KIFC3: variants seen among roughly 807,000 people sequenced by gnomAD.
KIFC3 encodes kinesin-like protein KIFC3.
In KIFC3, 60 loss-of-function variants were observed where a neutral mutation model predicts 101.8. The ratio of observed to expected loss-of-function variants is 0.59; its 90% CI spans 0.48 to 0.73. The LOEUF is 0.73. KIFC3 is among the 30% of genes least tolerant of loss of function. The probability of loss-of-function intolerance (pLI) is 0.00; values close to 1 mark genes in which losing one functional copy is unlikely to be tolerated. For synonymous variants in KIFC3, 476 were observed against 482.7 expected, an observed-to-expected ratio of 0.99 and a Z score of 0.18; for missense variants, 966 against 1,137.1, an observed-to-expected ratio of 0.85 and a Z score of 2.16.
At chr16:57,805,326 G>A (rs985459099), upstream of KIFC3, among the ~76,000 whole-genome samples, 4 of 152,122 alleles carry the variant, frequency 2.6e-5, no homozygotes, top group African/African-American at 9.7e-5. Context: ...CAGGAACTAC[G>A]TACCAACTCC....
rs1429782554 is a variant in KIFC3 at position 57,800,100 on chromosome 16, T to C, written c.-39-1818A>G. 5.3e-5 allele frequency among the ~76,000 whole-genome samples: 8 copies of C among 151,260 alleles called. 1 individual carries two copies. The highest frequency in any genetic ancestry group is 4.2e-4 in the South Asian group (2 of 4,800). ...CAGAGAGACAGGAGTGACTAAAGCA[T>C]TGAGAGGCAAAAATAAATAAATAAA... On this transcript the variant is annotated intron_variant, in intron 1 of 19. Transcript: ENST00000445690.
rs192698308 is a variant in KIFC3 at position 57,769,016 on chromosome 16, T to A, written c.1218+579A>T. ...CCCTGTCTCTAATAAATAATTTTTT[T>A]AAAAAATACGTATGTAGCATGTTTT... On this transcript the variant is annotated intron_variant, in intron 9 of 19. Transcript: ENST00000445690. This position sits in a 1 kb window ranked among gnomAD's most constrained non-coding sequence, Gnocchi z 4.3. 3.6e-3 allele frequency among the ~76,000 whole-genome samples: 547 copies of A among 152,264 alleles called. 3 individuals carry two copies. The highest frequency in any genetic ancestry group is 0.011 in the African/African-American group (469 of 41,546).
At chr16:57,759,301 G>A (rs892292942) in intron 18 of KIFC3, 148 bp from the exon 19 acceptor site, 36 of 962,888 alleles carry the variant, frequency 3.7e-5, no homozygotes, top group Middle Eastern at 2.1e-4. Flanking sequence ...CCTGGGTCCC[G>A]GTCCTGTGGC....
chr16:57,802,437 G>C lies in KIFC3; in HGVS notation c.-107C>G. 5.1e-6 allele frequency: 5 copies of C among 982,994 alleles called. No individual in the cohort carries two copies. The highest frequency in any genetic ancestry group is 6.0e-6 in the Non-Finnish European group (5 of 828,974). The allele number at this position is 982,994 out of a possible 1,614,324, so 60.9% of individuals were successfully genotyped here. On this transcript the variant is annotated 5_prime_UTR_variant, in exon 1 of 20. Transcript: ENST00000445690. The surrounding 1 kb of genome is among the most constrained non-coding windows in gnomAD (Gnocchi z 5.0). Reference sequence around the variant, plus strand: ...GGGCTCGGCCCGGCCCGGCCCGCCGGCAGGAGGCAGCTCCACGCCGCCGCC... The same window carrying C: ...GGGCTCGGCCCGGCCCGGCCCGCCGCCAGGAGGCAGCTCCACGCCGCCGCC...
chr16:57,788,311 C>T (rs938144873), intron 3 of KIFC3, among the ~76,000 whole-genome samples: 16 of 152,340 alleles, frequency 1.1e-4, no homozygotes, highest in African/African-American at 2.9e-4. Flanking sequence ...CCCCAGCCCA[C>T]GCTGGCCAAG....
chr16:57,803,008 C>T (rs1369249751), upstream of KIFC3: 28 of 1,535,886 alleles, frequency 1.8e-5, no homozygotes, highest in Non-Finnish European at 2.4e-5. Flanking sequence ...CGCGCTGGCG[C>T]ACATGCACTC....
chr16:57,758,627 C>T lies in KIFC3; in HGVS notation c.*307G>A, dbSNP rs1555591033. The T allele has an allele frequency of 8.6e-6, 6 of 697,438 alleles. No homozygotes were observed. Among genetic ancestry groups the T allele is most frequent in the Non-Finnish European group, 1.3e-5 (5 of 382,252 alleles). 43.2% of individuals were successfully genotyped at this position (697,438 alleles called of 1,614,324 possible). A position where few individuals can be genotyped will look rare whatever the true frequency, so the allele number is the denominator to read the frequency against. On this transcript the variant is annotated 3_prime_UTR_variant, in exon 20 of 20. Transcript: ENST00000445690. Reference sequence around the variant, plus strand: ...AGGCCCACCCTCCTCCACACTCCCGCCCTCCTCACGGGGCCCAGTTCGCTG... The same window carrying T: ...AGGCCCACCCTCCTCCACACTCCCGTCCTCCTCACGGGGCCCAGTTCGCTG...
chr16:57,783,583 C>T (rs2052999437), intron 3 of KIFC3, among the ~76,000 whole-genome samples: 1 of 150,944 alleles, frequency 6.6e-6, no homozygotes, highest in African/African-American at 2.5e-5. Flanking sequence ...AGCAATTCTC[C>T]TGCCTCAGCC....
chr16:57,784,115 G>A (rs1024843566), intron 3 of KIFC3, among the ~76,000 whole-genome samples: 12 of 152,212 alleles, frequency 7.9e-5, no homozygotes, highest in African/African-American at 1.9e-4. Context: ...GCAAATGTCC[G>A]TTTTCCCCCA....
chr16:57,775,129 T>A (rs2051873326), intron 3 of KIFC3: 3 of 1,383,914 alleles, frequency 2.2e-6, no homozygotes, highest in Non-Finnish European at 2.8e-6. Context: ...TGCATCACAA[T>A]GGGAACCTGG....
rs530939260 is a variant in KIFC3, at chr16:57,839,310, C to T, written c.108+23419G>A. Among the ~76,000 whole-genome samples the T allele has an allele frequency of 1.8e-4, 28 of 152,122 alleles. No homozygotes were observed. The East Asian group carries it at 4.6e-3, about 25-fold the overall frequency. Reference sequence around the variant, plus strand: ...TCCCAGCACTTTGGGGAGGCCAAGGCGGGAGGATCCCTTGAGCTCAGGAGT... The same window carrying T: ...TCCCAGCACTTTGGGGAGGCCAAGGTGGGAGGATCCCTTGAGCTCAGGAGT... On this transcript the variant is annotated intron_variant, in intron 1 of 2. Coordinates refer to the KIFC3 transcript ENST00000563028.
chr16:57,765,865 G>A, intron 10 of KIFC3: 1 of 472,924 alleles, frequency 2.1e-6, no homozygotes, highest in Non-Finnish European at 3.7e-6. Flanking sequence ...CTGGGGTGGA[G>A]CTCTGCCTTG....
upstream of KIFC3, chr16:57,802,842 C>T (rs782562946): frequency 1.0e-6 from 1 of 976,110 alleles, no homozygotes; most frequent in Non-Finnish European, 1.6e-6. The surrounding 1 kb of genome is among the most constrained non-coding windows in gnomAD (Gnocchi z 5.0). Flanking sequence ...CGTACTTTTG[C>T]ACAGCCTCAA....
In KIFC3 at chr16:57,760,423, G is replaced by C. The variant is rs781957252; in HGVS notation, c.2233-7C>G. The stretch of plus-strand genomic sequence containing the variant: ...TCTTCTCCACGGGGGACACCTAGGG[G>C]ACACGAGAGCTCACTGCCCACCCGG... On this transcript the variant is annotated splice_region_variant and splice_polypyrimidine_tract_variant and intron_variant, in intron 16 of 19. Coordinates refer to ENST00000445690, the MANE Select transcript of KIFC3 (RefSeq NM_001130100.2). The C allele has an allele frequency of 3.1e-6, 5 of 1,612,094 alleles. No homozygotes were observed. The South Asian group carries it at 3.3e-5, about 11-fold the overall frequency.
chr16:57,856,317 C>G (rs896498425), intron 1 of KIFC3, among the ~76,000 whole-genome samples: 3 of 151,878 alleles, frequency 2.0e-5, no homozygotes, highest in Non-Finnish European at 1.5e-5. Flanking sequence ...CCTGGCTCTA[C>G]CAAAAAATAC....
At chr16:57,813,806 A>C in intron 1 of KIFC3, 1 of 985,402 alleles carries the variant, frequency 1.0e-6, no homozygotes, top group Non-Finnish European at 1.2e-6. Flanking sequence ...GACTCAAGGC[A>C]TCTCCAGAGT....
chr16:57,832,284 G>GT (rs1453633364), intron 1 of KIFC3, among the ~76,000 whole-genome samples: 1 of 145,108 alleles, frequency 6.9e-6, no homozygotes, highest in African/African-American at 2.6e-5. Context: ...GCCTCCCAGA[G>GT]TGCTGGGATT....
chr16:57,761,269 C>A, intron 14 of KIFC3, 98 bp from the exon 15 acceptor site: 1 of 1,581,304 alleles, frequency 6.3e-7, no homozygotes, highest in Non-Finnish European at 8.6e-7. Context: ...CCACCCTCCG[C>A]AGTTTAGATG....
intron 1 of KIFC3, among the ~76,000 whole-genome samples, chr16:57,842,725 T>C (rs935635062): frequency 1.3e-5 from 2 of 152,102 alleles, no homozygotes; most frequent in South Asian, 4.1e-4. Context: ...TTTTAACAGG[T>C]CCAAAAACTG....
Sources: allele counts gnomAD v4.1 joint callset (sites outside exome capture counted in the v4.1 genomes callset), GRCh38; gene constraint gnomAD v4.1.1; non-coding constraint Gnocchi (gnomAD v3.1); transcripts MANE v1.5; gene names NCBI Gene and HGNC (gene_info 2026-07-23, HGNC 2026-07-21).